Variants in USP46 observed in about 807,000 individuals in gnomAD.
USP46 encodes ubiquitin specific peptidase 46.
A neutral mutation model predicts 44.4 loss-of-function variants in USP46; 12 were observed. The ratio of observed to expected loss-of-function variants is 0.27; its 90% CI spans 0.17 to 0.44. The LOEUF (loss-of-function observed/expected upper bound fraction) is 0.44, where lower values mean the gene tolerates loss of function less well. Ranked by LOEUF, USP46 falls within the 20% of genes least tolerant of loss-of-function variation. USP46 has a pLI of 1.00. For synonymous variants in USP46, 155 were observed against 161.5 expected (o/e 0.96, Z 0.31); for missense variants, 248 against 444.8 (o/e 0.56, Z 3.98).
chr4:52,632,821 A>G (rs959761029), intron 1 of USP46, among the ~76,000 whole-genome samples: 1 of 150,748 alleles, frequency 6.6e-6, no homozygotes, highest in Admixed American at 6.7e-5. Context: ...AAGAAGGAAA[A>G]GAACAGAACA....
intron 7 of USP46, among the ~76,000 whole-genome samples, chr4:52,601,007 C>T (rs1031098854): frequency 1.3e-5 from 2 of 152,324 alleles, no homozygotes; most frequent in African/African-American, 4.8e-5. Context: ...ATGCCATCTA[C>T]CCTAGTACAC....
intron 1 of USP46, among the ~76,000 whole-genome samples, chr4:52,641,363 TATA>T (rs1718334947): frequency 6.6e-6 from 1 of 152,176 alleles, no homozygotes; most frequent in South Asian, 2.1e-4. Flanking sequence ...CCAACAAGAC[TATA>T]ATGTTAGCTC....
chr4:52,603,041 A>T (rs1038259702), intron 6 of USP46, among the ~76,000 whole-genome samples: 5 of 152,230 alleles, frequency 3.3e-5, no homozygotes, highest in Admixed American at 1.3e-4. Flanking sequence ...AGTATGTGAA[A>T]AAGACAAATT....
chr4:52,617,785 C>T (rs1268390910), intron 4 of USP46, among the ~76,000 whole-genome samples: 5 of 151,988 alleles, frequency 3.3e-5, no homozygotes, highest in Non-Finnish European at 7.4e-5. Flanking sequence ...AAAAGAAAAC[C>T]ATTTTCTTCC....
chr4:52,652,842 G>A (rs980333678), intron 1 of USP46, among the ~76,000 whole-genome samples: 1 of 152,102 alleles, frequency 6.6e-6, no homozygotes, highest in Admixed American at 6.5e-5. Context: ...TCTTCACTGG[G>A]TGGGGAGTAC....
intron 4 of USP46, among the ~76,000 whole-genome samples, chr4:52,611,689 C>G (rs1353631014): frequency 6.6e-6 from 1 of 152,076 alleles, no homozygotes; most frequent in East Asian, 1.9e-4. Context: ...GAGTTCAAGA[C>G]CAGCCTGGCC....
chr4:52,632,990 A>AAAAAAAGAAAGAAAG (rs1553891308), intron 1 of USP46, among the ~76,000 whole-genome samples: 1 of 66,294 alleles, frequency 1.5e-5, no homozygotes, highest in Non-Finnish European at 3.0e-5. Flanking sequence ...GAAAGAAAAG[A>AAAAAAAGAAAGAAAG]AAAGAAAGAA....
intron 1 of USP46, among the ~76,000 whole-genome samples, chr4:52,637,835 C>T (rs1046036225): frequency 2.0e-5 from 3 of 152,192 alleles, no homozygotes; most frequent in African/African-American, 7.2e-5. Flanking sequence ...TGCCCCTCAT[C>T]CCCTGTTCCA....
chr4:52,656,264 A>G, intron 1 of USP46: 1 of 1,549,618 alleles, frequency 6.5e-7, no homozygotes, highest in Non-Finnish European at 8.7e-7. Context: ...CAGAGGAGCT[A>G]AGCAGTGAGA....
In USP46 at chr4:52,598,556, T is replaced by G. The variant is rs977142436; in HGVS notation, c.999+72A>C. The G allele has an allele frequency of 2.8e-6, 4 of 1,440,344 alleles. No homozygotes were observed. The African/African-American group carries it at 4.2e-5, about 15-fold the overall frequency. The allele number at this position is 1,440,344 out of a possible 1,614,324, so 89.2% of individuals were successfully genotyped here. ...GGGGAAACAGGCCTATTTTAGAAAA[T>G]GTCTATACATACACATTCTCCGAAA... On this transcript the variant is annotated intron_variant, in intron 8 of 8. Coordinates refer to ENST00000441222, the MANE Select transcript of USP46 (RefSeq NM_022832.4).
rs573350258 is a variant in USP46, at chr4:52,635,469, C to G, written c.37-4325G>C. On this transcript the variant is annotated intron_variant, in intron 1 of 8. Transcript: ENST00000441222. ...TTCTCCAGTGCATTCACTCTCCACTCCATAGTGCTCATTTCCAATGGTCCC... is the reference window on the plus strand; with the variant it reads ...TTCTCCAGTGCATTCACTCTCCACTGCATAGTGCTCATTTCCAATGGTCCC... 1.8e-4 allele frequency among the ~76,000 whole-genome samples: 27 copies of G among 152,322 alleles called. No individual in the cohort carries two copies. The South Asian group carries it at 5.6e-3, about 32-fold the overall frequency.
At chr4:52,604,788 G>A (rs894948437) in intron 5 of USP46, among the ~76,000 whole-genome samples, 2 of 152,226 alleles carry the variant, frequency 1.3e-5, no homozygotes, top group African/African-American at 2.4e-5. Flanking sequence ...GTGCCATTAC[G>A]GTGGTAGACA....
intron 1 of USP46, among the ~76,000 whole-genome samples, chr4:52,638,811 G>A (rs1718221115): frequency 6.6e-6 from 1 of 151,944 alleles, no homozygotes; most frequent in Non-Finnish European, 1.5e-5. Context: ...GATGGGTAGG[G>A]CTGTCTGGGT....
At chr4:52,616,193 G>A (rs571369246) in intron 4 of USP46, among the ~76,000 whole-genome samples, 10 of 152,262 alleles carry the variant, frequency 6.6e-5, no homozygotes, top group Admixed American at 6.5e-4. Context: ...TTGTATCTTG[G>A]GAGATGCTAC....
At chr4:52,606,787 AGCATG>A (rs1028592297) in intron 5 of USP46, among the ~76,000 whole-genome samples, 3 of 152,208 alleles carry the variant, frequency 2.0e-5, no homozygotes, top group Non-Finnish European at 4.4e-5. Flanking sequence ...CACTTTTGAC[AGCATG>A]GTGGAGGGGG....
intron 1 of USP46, among the ~76,000 whole-genome samples, chr4:52,638,121 A>G (rs1172416252): frequency 6.6e-6 from 1 of 152,222 alleles, no homozygotes; most frequent in East Asian, 1.9e-4. Flanking sequence ...ATATGATTAA[A>G]TAATTAAGAA....
intron 4 of USP46, among the ~76,000 whole-genome samples, chr4:52,621,890 C>T (rs890273348): frequency 6.6e-6 from 1 of 152,152 alleles, no homozygotes; most frequent in African/African-American, 2.4e-5. Flanking sequence ...AAACAAACTG[C>T]AGTATATTCC....
At chr4:52,642,069 G>A (rs1718362191) in intron 1 of USP46, among the ~76,000 whole-genome samples, 1 of 152,124 alleles carries the variant, frequency 6.6e-6, no homozygotes, top group African/African-American at 2.4e-5. Flanking sequence ...TGATGACAAA[G>A]ATCATTCCTA....
chr4:52,595,382 G>A lies in USP46; in HGVS notation c.*2258C>T, dbSNP rs1366497619. ...AGATAGCTCTAAATTTTAAAAAGCTGATGGAGTGTTGCTGGAGAAGTGTGT... is the reference window on the plus strand; with the variant it reads ...AGATAGCTCTAAATTTTAAAAAGCTAATGGAGTGTTGCTGGAGAAGTGTGT... On this transcript the variant is annotated 3_prime_UTR_variant, in exon 9 of 9. Coordinates refer to ENST00000441222, the MANE Select transcript of USP46 (RefSeq NM_022832.4). The A allele has an allele frequency of 6.6e-6, 1 of 152,644 alleles. No individual in the cohort carries two copies. The highest frequency in any genetic ancestry group is 1.5e-5 in the Non-Finnish European group (1 of 68,042). The allele number at this position is 152,644 out of a possible 1,614,324, so 9.5% of individuals were successfully genotyped here.
Sources: gnomAD v4.1 joint callset for allele counts (sites outside exome capture counted in the v4.1 genomes callset) on GRCh38, gnomAD v4.1.1 for gene constraint, MANE v1.5 for transcripts, NCBI Gene and HGNC (gene_info 2026-07-23, HGNC 2026-07-21) for gene names.